CNTN4: variants seen among roughly 807,000 people sequenced by gnomAD.
The protein encoded by CNTN4 is contactin-4.
CNTN4 carries 77 observed loss-of-function variants against 122.5 expected under a neutral mutation model. The ratio of observed to expected loss-of-function variants is 0.63; its 90% CI spans 0.52 to 0.76. The LOEUF is 0.76. Among genes scored for constraint, CNTN4 ranks in the 30% least tolerant of loss-of-function variants. The pLI is 0.00. For synonymous variants in CNTN4, 512 were observed against 447.0 expected (o/e 1.15, Z -1.83); for missense variants, 1,256 against 1,259.1 (o/e 1.00, Z 0.04).
intron 2 of CNTN4, among the ~76,000 whole-genome samples, chr3:2,211,828 C>T (rs894383763): frequency 2.6e-5 from 4 of 152,166 alleles, no homozygotes; most frequent in African/African-American, 9.7e-5. Flanking sequence ...TATGAGCAGA[C>T]TTATGGATAG....
intron 23 of CNTN4, among the ~76,000 whole-genome samples, chr3:3,050,763 C>CAAAAAA (rs1184756504): frequency 0.31 from 25,935 of 84,086 alleles, 4,439 homozygotes; most frequent in East Asian, 0.52. Context: ...AACTCCGTCT[C>CAAAAAA]AAAAAAAAAA....
chr3:2,809,178 A>G (rs1576876818), intron 6 of CNTN4, among the ~76,000 whole-genome samples: 1 of 152,170 alleles, frequency 6.6e-6, no homozygotes, highest in African/African-American at 2.4e-5. Flanking sequence ...GATTTCTGGG[A>G]AGGATGTAGT....
chr3:2,206,281 T>G lies in CNTN4; in HGVS notation c.-145+105642T>G, dbSNP rs564724201. Among the ~76,000 whole-genome samples, 6 of 152,282 alleles carry G rather than the reference T, an allele frequency of 3.9e-5. No homozygotes were observed. The South Asian group carries it at 1.2e-3, about 32-fold the overall frequency. Reference sequence around the variant, plus strand: ...AACTTATAAAAGAGCTCACTCATCATGTCTAACTTTCTTTGACAGTATCTA... The same window carrying G: ...AACTTATAAAAGAGCTCACTCATCAGGTCTAACTTTCTTTGACAGTATCTA... On this transcript the variant is annotated intron_variant, in intron 2 of 24. Transcript: ENST00000418658.
At chr3:2,125,792 G>A (rs1395735477) in intron 2 of CNTN4, among the ~76,000 whole-genome samples, 8 of 151,746 alleles carry the variant, frequency 5.3e-5, no homozygotes, top group African/African-American at 1.5e-4. Context: ...TCCTGACCTC[G>A]TGATCCGCCC....
At chr3:3,054,836 A>C (rs1274218040) in intron 24 of CNTN4, among the ~76,000 whole-genome samples, 1 of 152,112 alleles carries the variant, frequency 6.6e-6, no homozygotes, top group African/African-American at 2.4e-5. Flanking sequence ...TTAAAATGCT[A>C]ATTTTGTTAT....
At chr3:2,127,765 C>T (rs2034250220) in intron 2 of CNTN4, among the ~76,000 whole-genome samples, 1 of 152,158 alleles carries the variant, frequency 6.6e-6, no homozygotes, top group Non-Finnish European at 1.5e-5. Flanking sequence ...GAGCCACATT[C>T]ATCATTGTTG....
At chr3:2,947,797 T>C (rs2094695171) in intron 13 of CNTN4, among the ~76,000 whole-genome samples, 1 of 152,224 alleles carries the variant, frequency 6.6e-6, no homozygotes. Context: ...GGGTTTTCTT[T>C]ATAATTTTTC....
At chr3:3,048,494 C>G (rs1052390916) in intron 23 of CNTN4, among the ~76,000 whole-genome samples, 1 of 127,326 alleles carries the variant, frequency 7.9e-6, no homozygotes, top group Non-Finnish European at 1.6e-5. Flanking sequence ...ATGAATAACT[C>G]TCTCTCTTTC....
At chr3:2,622,223 G>T (rs762181025) in intron 4 of CNTN4, among the ~76,000 whole-genome samples, 15 of 152,100 alleles carry the variant, frequency 9.9e-5, no homozygotes, top group Non-Finnish European at 1.3e-4. Context: ...ACCTTTTGGT[G>T]GGAAGAATAA....
intron 3 of CNTN4, among the ~76,000 whole-genome samples, chr3:2,526,727 C>T (rs759039861): frequency 6.6e-6 from 1 of 152,034 alleles, no homozygotes; most frequent in Admixed American, 6.6e-5. Flanking sequence ...ATAAAAATAT[C>T]TTCCCTGAGG....
intron 4 of CNTN4, among the ~76,000 whole-genome samples, chr3:2,721,217 C>A (rs948486490): frequency 5.3e-5 from 8 of 152,096 alleles, no homozygotes; most frequent in African/African-American, 1.9e-4. Context: ...GGTGATCCAC[C>A]CACCTCAGCC....
At chr3:2,253,497 A>C (rs1027282495) in intron 2 of CNTN4, among the ~76,000 whole-genome samples, 4 of 152,166 alleles carry the variant, frequency 2.6e-5, no homozygotes, top group Admixed American at 6.6e-5. Flanking sequence ...ATCCTTTTAT[A>C]AATTCAACAG....
chr3:2,477,813 G>C (rs967687872), intron 3 of CNTN4, among the ~76,000 whole-genome samples: 2 of 152,208 alleles, frequency 1.3e-5, no homozygotes, highest in African/African-American at 4.8e-5. Context: ...CGTCTAATGA[G>C]CTGTGCGAAA....
intron 3 of CNTN4, among the ~76,000 whole-genome samples, chr3:2,340,710 T>TATATGTAGAGAG: frequency 5.5e-5 from 1 of 18,294 alleles, no homozygotes; most frequent in Non-Finnish European, 1.6e-4. Flanking sequence ...TATATATATA[T>TATATGTAGAGAG]AGAGAGAGAG....
rs561137710 is a variant in CNTN4 at position 2,754,907 on chromosome 3, C to T, written c.358+9210C>T. 2.4e-3 allele frequency among the ~76,000 whole-genome samples: 359 copies of T among 152,218 alleles called. 1 individual carries two copies. Among genetic ancestry groups the T allele is most frequent in the Non-Finnish European group, 4.0e-3 (272 of 68,006 alleles). Reference sequence around the variant, plus strand: ...TAAACAGCAACTGATTAGATAGTCTCATTGAAAAAGATCTTTCTTATGACT... The same window carrying T: ...TAAACAGCAACTGATTAGATAGTCTTATTGAAAAAGATCTTTCTTATGACT... On this transcript the variant is annotated intron_variant, in intron 6 of 24. Transcript: ENST00000418658.
intron 14 of CNTN4, among the ~76,000 whole-genome samples, chr3:2,997,808 A>G (rs771613220): frequency 3.9e-4 from 59 of 152,206 alleles, no homozygotes; most frequent in Non-Finnish European, 7.6e-4. Context: ...GAACATTTAG[A>G]GTTAACAGTG....
chr3:2,332,058 T>C (rs1275073929), intron 2 of CNTN4, among the ~76,000 whole-genome samples: 1 of 152,166 alleles, frequency 6.6e-6, no homozygotes, highest in African/African-American at 2.4e-5. Flanking sequence ...TTGAACCTGG[T>C]GCCATCCCCT....
chr3:2,907,887 A>G (rs1019261377), intron 12 of CNTN4, among the ~76,000 whole-genome samples: 9 of 152,252 alleles, frequency 5.9e-5, no homozygotes, highest in African/African-American at 2.2e-4. Flanking sequence ...CAAACGCCAT[A>G]GAGAGACTTT....
intron 7 of CNTN4, among the ~76,000 whole-genome samples, chr3:2,857,532 T>A (rs1028847828): frequency 6.6e-6 from 1 of 152,222 alleles, no homozygotes; most frequent in African/African-American, 2.4e-5. Flanking sequence ...GCCATGGCTT[T>A]ACTGGTTTGA....
Sources: gnomAD v4.1 joint callset for allele counts (sites outside exome capture counted in the v4.1 genomes callset) on GRCh38, gnomAD v4.1.1 for gene constraint, MANE v1.5 for transcripts, NCBI Gene and HGNC (gene_info 2026-07-23, HGNC 2026-07-21) for gene names.